C1D: variants seen among roughly 807,000 people sequenced by gnomAD.
The protein encoded by C1D is nuclear nucleic acid-binding protein C1D.
In C1D, 10 loss-of-function variants were observed where a neutral mutation model predicts 17.5. The ratio of observed to expected loss-of-function variants is 0.57; its 90% CI spans 0.35 to 0.97. C1D has a LOEUF of 0.97. Among genes scored for constraint, C1D ranks in the 50% least tolerant of loss-of-function variants. C1D has a pLI of 0.01. For synonymous variants in C1D, 49 were observed against 54.0 expected, an observed-to-expected ratio of 0.91 and a Z score of 0.40; for missense variants, 136 against 160.1, an observed-to-expected ratio of 0.85 and a Z score of 0.81.
chr2:68,046,263 A>C, intron 3 of C1D, 81 bp downstream of exon 3: 1 of 1,112,452 alleles, frequency 9.0e-7, no homozygotes, highest in Non-Finnish European at 1.3e-6. Flanking sequence ...TTGTAAATAA[A>C]TTGTTAGCAT....
At chr2:68,057,333 T>A (rs13385550) in intron 1 of C1D, among the ~76,000 whole-genome samples, 23,288 of 151,032 alleles carry the variant, frequency 0.15, 2,316 homozygotes, top group African/African-American at 0.28. Flanking sequence ...TTTTTCGTAT[T>A]TTTAGTAGAG....
chr2:68,051,911 T>G (rs17034884), intron 1 of C1D, among the ~76,000 whole-genome samples: 1 of 151,624 alleles, frequency 6.6e-6, no homozygotes, highest in African/African-American at 2.4e-5. Context: ...GCCGGTCTAC[T>G]GCCAAAAGGC....
At chr2:68,047,845 A>C (rs1215982562) in intron 1 of C1D, among the ~76,000 whole-genome samples, 2 of 152,248 alleles carry the variant, frequency 1.3e-5, no homozygotes, top group Non-Finnish European at 2.9e-5. Flanking sequence ...AAAGCAATTA[A>C]AGTTTGATAA....
intron 1 of C1D, among the ~76,000 whole-genome samples, chr2:68,061,436 G>A (rs560779427): frequency 6.6e-6 from 1 of 152,282 alleles, no homozygotes; most frequent in African/African-American, 2.4e-5. Flanking sequence ...CGAGGATATT[G>A]CTCAAGATTG....
intron 1 of C1D, among the ~76,000 whole-genome samples, chr2:68,060,924 A>G (rs1671611224): frequency 6.6e-6 from 1 of 152,206 alleles, no homozygotes; most frequent in Non-Finnish European, 1.5e-5. Flanking sequence ...ACTAACTAAA[A>G]CCAATCAAAG....
intron 1 of C1D, among the ~76,000 whole-genome samples, chr2:68,058,720 A>G (rs1671513050): frequency 6.6e-6 from 1 of 152,126 alleles, no homozygotes; most frequent in Non-Finnish European, 1.5e-5. Flanking sequence ...CTATTCCTCT[A>G]ACCCTTCCAG....
At chr2:68,051,296 AC>A (rs1312222409) in intron 1 of C1D, among the ~76,000 whole-genome samples, 1 of 152,136 alleles carries the variant, frequency 6.6e-6, no homozygotes, top group Admixed American at 6.5e-5. Flanking sequence ...AGGCAGGAGG[AC>A]AGCTTGAGCC....
chr2:68,053,319 G>C, intron 1 of C1D: 2 of 1,071,836 alleles, frequency 1.9e-6, no homozygotes, highest in Non-Finnish European at 2.6e-6. Flanking sequence ...ACCGATAGGA[G>C]AAAACAAGAG....
Position 68,042,854 on chromosome 2 carries a change from TAC to T in C1D, c.*33_*34del. 4 of 610,946 alleles carry T rather than the reference TAC, an allele frequency of 6.5e-6. No homozygotes were observed. Among genetic ancestry groups the T allele is most frequent in the South Asian group, 2.0e-5 (1 of 49,354 alleles). 37.8% of individuals were successfully genotyped at this position (610,946 alleles called of 1,614,324 possible). ...GGGGGGGGGGGGGGGGGGGAAGATG[TAC>T]TTTTTGAATATGTGTACATCAAAAC... On this transcript the variant is annotated 3_prime_UTR_variant, in exon 5 of 5. Coordinates refer to ENST00000410067, the MANE Select transcript of C1D (RefSeq NM_173177.3).
rs375742608 is a variant in C1D, at chr2:68,054,979, TAAA to T, written c.-9-7663_-9-7661del. On this transcript the variant is annotated intron_variant, in intron 1 of 4. Transcript: ENST00000410067. ...AGGCCCACATCCTTTCTTTTTTTTT[TAAA>T]AAAAAAAAAAAGACTATTGCACTAA... Among the ~76,000 whole-genome samples, 5 of 137,522 alleles carry T rather than the reference TAAA, an allele frequency of 3.6e-5. No homozygotes were observed. In the East Asian group the frequency reaches 1.0e-3, roughly 28 times the overall value. 90.2% of individuals were successfully genotyped at this position (137,522 alleles called of 152,430 possible). A position where few individuals can be genotyped will look rare whatever the true frequency, so the allele number is the denominator to read the frequency against.
intron 1 of C1D, among the ~76,000 whole-genome samples, chr2:68,061,674 T>C (rs1671633316): frequency 6.6e-6 from 1 of 152,172 alleles, no homozygotes; most frequent in South Asian, 2.1e-4. Flanking sequence ...CTCAATACAT[T>C]AGATAGTATT....
At chr2:68,057,659 TATA>T (rs528144782) in intron 1 of C1D, among the ~76,000 whole-genome samples, 208 of 152,308 alleles carry the variant, frequency 1.4e-3, no homozygotes, top group African/African-American at 4.5e-3. Context: ...TGTAACATAT[TATA>T]ATAATACTTA....
At chr2:68,044,477 G>A (rs1671060251) in intron 4 of C1D, among the ~76,000 whole-genome samples, 1 of 152,242 alleles carries the variant, frequency 6.6e-6, no homozygotes, top group South Asian at 2.1e-4. Flanking sequence ...GGGAGGCCGA[G>A]GCGGGCAGAT....
chr2:68,052,622 T>C (rs1230000434), intron 1 of C1D, among the ~76,000 whole-genome samples: 3 of 152,164 alleles, frequency 2.0e-5, no homozygotes, highest in African/African-American at 7.2e-5. Flanking sequence ...GGGTGAACAC[T>C]GAAAGCATGG....
chr2:68,057,552 C>A (rs1671474490), intron 1 of C1D, among the ~76,000 whole-genome samples: 1 of 152,136 alleles, frequency 6.6e-6, no homozygotes, highest in African/African-American at 2.4e-5. Flanking sequence ...CCAAAAGAAG[C>A]TGTTAACTGT....
intron 1 of C1D, chr2:68,053,013 T>C: frequency 6.5e-7 from 1 of 1,542,048 alleles, no homozygotes; most frequent in Non-Finnish European, 8.7e-7. Flanking sequence ...TTAAAGAACA[T>C]GCCTAAAGTT....
chr2:68,047,427 G>A (rs1440761977), intron 1 of C1D, 108 bp from the exon 2 acceptor site: 2 of 712,266 alleles, frequency 2.8e-6, no homozygotes, highest in Non-Finnish European at 4.3e-6. Flanking sequence ...GGCACTAAGA[G>A]TTAAAACCTG....
intron 2 of C1D, 39 bp downstream of exon 2, chr2:68,047,134 T>C (rs895732445): frequency 6.4e-7 from 1 of 1,566,208 alleles, no homozygotes. Flanking sequence ...CATTCTGTTT[T>C]ATGAAATTCA....
intron 1 of C1D, among the ~76,000 whole-genome samples, chr2:68,060,368 G>A (rs967449680): frequency 2.6e-5 from 4 of 152,164 alleles, no homozygotes; most frequent in East Asian, 1.9e-4. Context: ...CAGGCTGGGC[G>A]CAGTGACTGA....
Sources: gnomAD v4.1 joint callset for allele counts (sites outside exome capture counted in the v4.1 genomes callset) on GRCh38, gnomAD v4.1.1 for gene constraint, MANE v1.5 for transcripts, NCBI Gene and HGNC (gene_info 2026-07-23, HGNC 2026-07-21) for gene names.